Variants in TCF12 observed in about 807,000 individuals in gnomAD.
TCF12 encodes the protein transcription factor 12.
TCF12 carries 45 observed loss-of-function variants against 86.0 expected under a neutral mutation model. The observed-to-expected ratio is 0.52, with a 90% CI of 0.41 to 0.67. TCF12 has a LOEUF of 0.67. Ranked by LOEUF, TCF12 falls within the 30% of genes least tolerant of loss-of-function variation. The pLI is 0.00. For missense variants in TCF12, 881 were observed against 859.9 expected (o/e 1.02, Z -0.31); for synonymous variants, 330 against 299.6 (o/e 1.10, Z -1.05).
At chr15:57,166,053 G>C (rs548857635) in intron 5 of TCF12, among the ~76,000 whole-genome samples, 1 of 151,954 alleles carries the variant, frequency 6.6e-6, no homozygotes, top group Non-Finnish European at 1.5e-5. Context: ...TCAGCCTCCT[G>C]AGTAGCTGGG....
At chr15:57,130,727 T>C (rs2052044877) in intron 5 of TCF12, among the ~76,000 whole-genome samples, 1 of 152,196 alleles carries the variant, frequency 6.6e-6, no homozygotes, top group Non-Finnish European at 1.5e-5. Context: ...TATTTTTAAT[T>C]ATTAATATTA....
chr15:56,960,169 TACTC>T (rs759940986), intron 3 of TCF12, among the ~76,000 whole-genome samples: 3 of 152,222 alleles, frequency 2.0e-5, no homozygotes, highest in Non-Finnish European at 2.9e-5. Context: ...TGGACATATT[TACTC>T]AGTATAGAAA....
At position 57,273,210 on chromosome 15, in the gene TCF12, T is replaced by C; in HGVS notation, c.1926T>C (p.Leu642=). Residue 642 remains leucine (L), a synonymous_variant, in exon 19 of 21, where the codon CTT becomes CTC. Coordinates refer to ENST00000333725, the MANE Select transcript of TCF12 (RefSeq NM_207037.2). ...GTGAAAAACCCCAAACAAAACTCCT[T>C]ATTCTTCATCAAGCCGTGGCAGTCA... ...LKSEKPQTKL[L]ILHQAVAVIL... is the part of the protein sequence containing the mutation. The C allele has an allele frequency of 6.2e-7, 1 of 1,614,162 alleles. No homozygotes were observed. The highest frequency in any genetic ancestry group is 8.5e-7 in the Non-Finnish European group (1 of 1,180,022).
intron 8 of TCF12, 56 bp downstream of exon 8, chr15:57,197,881 G>T: frequency 6.4e-7 from 1 of 1,557,492 alleles, no homozygotes. Context: ...CAAGTGTTCC[G>T]TATTACCTTG....
chr15:57,045,805 C>CA (rs2067196015), intron 3 of TCF12, among the ~76,000 whole-genome samples: 1 of 152,116 alleles, frequency 6.6e-6, no homozygotes, highest in Non-Finnish European at 1.5e-5. Flanking sequence ...CTTGCCCTCC[C>CA]AAAGTGCTGG....
At chr15:57,141,677 C>T (rs1474831585) in intron 5 of TCF12, among the ~76,000 whole-genome samples, 1 of 152,158 alleles carries the variant, frequency 6.6e-6, no homozygotes, top group Non-Finnish European at 1.5e-5. Context: ...ATTAAATTAA[C>T]AGTTATTTCA....
chr15:57,186,736 C>T (rs182361724), intron 6 of TCF12, among the ~76,000 whole-genome samples: 162 of 152,192 alleles, frequency 1.1e-3, no homozygotes, highest in Non-Finnish European at 1.6e-3. Flanking sequence ...AATCCAGCAA[C>T]GTATTGAAAA....
intron 3 of TCF12, among the ~76,000 whole-genome samples, chr15:56,948,974 T>C (rs973462519): frequency 4.6e-5 from 7 of 152,174 alleles, no homozygotes; most frequent in African/African-American, 1.4e-4. Flanking sequence ...TTCTCTTGAT[T>C]CCAGGCAGAT....
At chr15:57,255,067 G>A (rs1209166632) in intron 16 of TCF12, among the ~76,000 whole-genome samples, 1 of 152,070 alleles carries the variant, frequency 6.6e-6, no homozygotes, top group Non-Finnish European at 1.5e-5. Flanking sequence ...TTTTAAGTTA[G>A]TCTCAGCAGC....
At chr15:56,989,635 G>A (rs1316804547) in intron 3 of TCF12, among the ~76,000 whole-genome samples, 1 of 152,216 alleles carries the variant, frequency 6.6e-6, no homozygotes, top group Non-Finnish European at 1.5e-5. Flanking sequence ...CAAGGACACA[G>A]ATTGTAATTC....
intron 5 of TCF12, among the ~76,000 whole-genome samples, chr15:57,115,283 A>G (rs1445744378): frequency 2.0e-5 from 3 of 152,232 alleles, no homozygotes; most frequent in African/African-American, 4.8e-5. Context: ...AGTGAGCTAC[A>G]TAAACTAATA....
At chr15:57,243,411 G>A (rs1013991133) in intron 12 of TCF12, 61 bp from the exon 13 acceptor site, 15 of 1,400,798 alleles carry the variant, frequency 1.1e-5, no homozygotes, top group Non-Finnish European at 1.4e-5. Flanking sequence ...CCATGTGAAC[G>A]GATTTGTGTA....
intron 3 of TCF12, among the ~76,000 whole-genome samples, chr15:57,054,432 G>C (rs1238565944): frequency 6.6e-6 from 1 of 152,078 alleles, no homozygotes; most frequent in Non-Finnish European, 1.5e-5. Flanking sequence ...TATGTTTTTT[G>C]TTTAATGTGT....
intron 13 of TCF12, among the ~76,000 whole-genome samples, chr15:57,248,383 T>C (rs1210498299): frequency 6.6e-6 from 1 of 152,220 alleles, no homozygotes; most frequent in Non-Finnish European, 1.5e-5. Flanking sequence ...TGGCTTTGTT[T>C]ACTACAGTTG....
At position 57,154,298 on chromosome 15, in the gene TCF12, G is replaced by T. The variant is rs974646801; in HGVS notation, c.326-12104G>T. 2.0e-4 allele frequency among the ~76,000 whole-genome samples: 31 copies of T among 152,126 alleles called. 1 individual carries two copies. The highest frequency in any genetic ancestry group is 1.2e-3 in the Admixed American group (18 of 15,270). On this transcript the variant is annotated intron_variant, in intron 5 of 20. Coordinates refer to ENST00000333725, the MANE Select transcript of TCF12 (RefSeq NM_207037.2). ...CTGTTTACACACTGCTAACCCTGGC[G>T]CTCCTTTTTACTGAATAAAAATGGT...
chr15:57,084,532 G>T (rs2048506960), intron 4 of TCF12, among the ~76,000 whole-genome samples: 1 of 152,144 alleles, frequency 6.6e-6, no homozygotes, highest in Non-Finnish European at 1.5e-5. Flanking sequence ...TTGTTAAGAT[G>T]CAGATTCTGG....
intron 3 of TCF12, among the ~76,000 whole-genome samples, chr15:56,929,024 C>T (rs2060134448): frequency 6.6e-6 from 1 of 152,172 alleles, no homozygotes; most frequent in Non-Finnish European, 1.5e-5. Flanking sequence ...AATTCATGTA[C>T]ATTTTATTTT....
At chr15:57,223,255 C>T (rs2058685861) in intron 8 of TCF12, among the ~76,000 whole-genome samples, 1 of 151,958 alleles carries the variant, frequency 6.6e-6, no homozygotes, top group African/African-American at 2.4e-5. Context: ...CACATTTTCT[C>T]CTTTGTATCA....
At chr15:57,113,829 A>G (rs553563233) in intron 5 of TCF12, among the ~76,000 whole-genome samples, 5 of 151,200 alleles carry the variant, frequency 3.3e-5, no homozygotes, top group Non-Finnish European at 7.4e-5. Flanking sequence ...GGTGGCATGC[A>G]CCTGTAGTCC....
Sources: gnomAD v4.1 joint callset for allele counts (sites outside exome capture counted in the v4.1 genomes callset) on GRCh38, gnomAD v4.1.1 for gene constraint, MANE v1.5 for transcripts, NCBI Gene and HGNC (gene_info 2026-07-23, HGNC 2026-07-21) for gene names.